Variants in PNKD observed in about 807,000 individuals in gnomAD.
PNKD encodes the protein PNKD metallo-beta-lactamase domain containing, also known as probable thioesterase PNKD.
A neutral mutation model predicts 45.3 loss-of-function variants in PNKD; 36 were observed. The ratio of observed to expected loss-of-function variants is 0.80; its 90% confidence interval spans 0.61 to 1.05. The LOEUF (loss-of-function observed/expected upper bound fraction) is 1.05. Among genes scored for constraint, PNKD ranks in the 50% least tolerant of loss-of-function variants. The probability of loss-of-function intolerance (pLI) is 0.00; values close to 1 mark genes in which losing one functional copy is unlikely to be tolerated. For missense variants in PNKD, 511 were observed against 506.6 expected, an observed-to-expected ratio of 1.01 and a Z score of -0.08; for synonymous variants, 197 against 210.1, an observed-to-expected ratio of 0.94 and a Z score of 0.54.
At chr2:218,295,618 G>A (rs961565624) in intron 2 of PNKD, among the ~76,000 whole-genome samples, 29 of 152,006 alleles carry the variant, frequency 1.9e-4, no homozygotes, top group African/African-American at 6.5e-4. Flanking sequence ...AGGATGGGGG[G>A]TGGAGGGTGC....
Position 218,339,800 on chromosome 2 carries a change from G to A in PNKD, c.254G>A (p.Arg85His), listed in dbSNP as rs150402000. The A allele has an allele frequency of 1.5e-3, 2,374 of 1,612,962 alleles. 4 individuals are homozygous for A. Among genetic ancestry groups the A allele is most frequent in the Admixed American group, 1.8e-3 (109 of 59,968 alleles). Reference protein sequence around the residue: ...VGLAWYSLYTRTWLGYLFYRQ... With the variant: ...VGLAWYSLYTHTWLGYLFYRQ... ...CCCTCTAGGTACAGCCTGTACACCC[G>A]CACCTGGCTCGGGTACCTCTTCTAC... The change falls in exon 3 of 10, where the codon CGC becomes CAC. Residue 85 changes from arginine (R) to histidine (H), a missense_variant. By Grantham distance (29) the Arg-to-His change is conservative (BLOSUM62 0). Transcript: ENST00000273077.
chr2:218,323,115 G>A (rs1476961324), intron 2 of PNKD: 2 of 1,237,630 alleles, frequency 1.6e-6, no homozygotes, highest in South Asian at 2.4e-5. Context: ...GAGGTGGTGA[G>A]GGGGCGGGTC....
chr2:218,324,997 C>CTT lies in PNKD; in HGVS notation c.237-14759_237-14758dup, dbSNP rs1167758595. Among the ~76,000 whole-genome samples the CTT allele has an allele frequency of 2.5e-3, 154 of 62,680 alleles. 25 individuals are homozygous for CTT. The highest frequency in any genetic ancestry group is 7.7e-3 in the African/African-American group (115 of 14,888). 41.1% of individuals were successfully genotyped at this position (62,680 alleles called of 152,430 possible). A position where few individuals can be genotyped will look rare whatever the true frequency, so the allele number is the denominator to read the frequency against. On this transcript the variant is annotated intron_variant, in intron 2 of 9. Coordinates refer to ENST00000273077, the MANE Select transcript of PNKD (RefSeq NM_015488.5). ...AACATGAAGGTATCTAAATAATTTT[C>CTT]TTTTTTTTTTTTTTTTTTTTTTTTT...
In PNKD at chr2:218,344,476, A is replaced by G. The variant is rs1207908418; in HGVS notation, c.890A>G (p.Asn297Ser). 3 of 1,584,774 alleles carry G rather than the reference A, an allele frequency of 1.9e-6. No homozygotes were observed. Among genetic ancestry groups the G allele is most frequent in the Non-Finnish European group, 2.6e-6 (3 of 1,165,102 alleles). The change falls in exon 9 of 10, where the codon AAC becomes AGC. Residue 297 changes from asparagine to serine, a missense_variant. Physicochemically the swap from Asn to Ser is conservative, Grantham distance 46. Transcript: ENST00000273077. ...LWPGHEYAEENLGFAGVVEPE... is the reference protein window; with the variant it reads ...LWPGHEYAEESLGFAGVVEPE... ...GTAGGTCATGAGTATGCAGAGGAGA[A>G]CCTGGGCTTTGCAGGTGTGGTGGAG...
At chr2:218,282,506 T>A (rs755457252) in intron 2 of PNKD, among the ~76,000 whole-genome samples, 2 of 152,182 alleles carry the variant, frequency 1.3e-5, no homozygotes, top group Non-Finnish European at 2.9e-5. Flanking sequence ...AAGAAAACCT[T>A]CCAGTTTTGG....
intron 2 of PNKD, among the ~76,000 whole-genome samples, chr2:218,320,906 C>T (rs1315915445): frequency 6.6e-6 from 1 of 152,186 alleles, no homozygotes. Context: ...AGCCCACTTG[C>T]AGCAGACATT....
intron 2 of PNKD, chr2:218,280,265 G>C (rs1691755790): frequency 3.0e-6 from 2 of 669,302 alleles, no homozygotes; most frequent in Non-Finnish European, 5.3e-6. Flanking sequence ...CTCCCAAGCT[G>C]GGGTCTTCTA....
At chr2:218,276,844 G>A (rs1691266080) in intron 2 of PNKD, among the ~76,000 whole-genome samples, 1 of 152,202 alleles carries the variant, frequency 6.6e-6, no homozygotes, top group African/African-American at 2.4e-5. Flanking sequence ...CCCTCACCCA[G>A]AAGGATGCTG....
At chr2:218,343,218 G>A (rs552364853) in intron 7 of PNKD, among the ~76,000 whole-genome samples, 4 of 152,328 alleles carry the variant, frequency 2.6e-5, no homozygotes, top group African/African-American at 7.2e-5. Context: ...GCAGCCCTGC[G>A]TCTACCAAGC....
chr2:218,318,944 T>A (rs1414712061), intron 2 of PNKD, among the ~76,000 whole-genome samples: 1 of 123,894 alleles, frequency 8.1e-6, no homozygotes, highest in Admixed American at 8.2e-5. Context: ...TTTTCTTTTT[T>A]TTTTTCTTTT....
intron 2 of PNKD, among the ~76,000 whole-genome samples, chr2:218,312,112 G>C (rs1353690343): frequency 6.6e-6 from 1 of 152,188 alleles, no homozygotes; most frequent in Non-Finnish European, 1.5e-5. Context: ...AAAGTTACAG[G>C]TTAACAGCGT....
intron 2 of PNKD, among the ~76,000 whole-genome samples, chr2:218,325,788 C>T (rs1694135985): frequency 6.6e-6 from 1 of 152,140 alleles, no homozygotes; most frequent in Admixed American, 6.6e-5. Context: ...AAACTCTAAT[C>T]ATTGGAGAGC....
At chr2:218,327,942 A>T (rs1242804381) in intron 2 of PNKD, 1 of 141,252 alleles carries the variant, frequency 7.1e-6, no homozygotes, top group Non-Finnish European at 1.5e-5. Context: ...AGCCTGGGTG[A>T]TAAGAGTGAA....
chr2:218,303,254 A>G (rs1450709361), intron 2 of PNKD, among the ~76,000 whole-genome samples: 1 of 152,010 alleles, frequency 6.6e-6, no homozygotes, highest in South Asian at 2.1e-4. Context: ...GCCCTGAACC[A>G]GTCTTTCAGG....
intron 2 of PNKD, among the ~76,000 whole-genome samples, chr2:218,312,928 T>C (rs1212736129): frequency 6.6e-6 from 1 of 151,962 alleles, no homozygotes; most frequent in Non-Finnish European, 1.5e-5. Context: ...TCTCTTCGTA[T>C]GTGTTCTATT....
intron 1 of PNKD, chr2:218,270,870 C>G (rs1574615306): frequency 2.6e-6 from 1 of 391,292 alleles, no homozygotes; most frequent in East Asian, 3.8e-5. Context: ...TTCACACTCA[C>G]CGCAGTGCAG....
chr2:218,331,544 C>T (rs1397180730), intron 2 of PNKD, among the ~76,000 whole-genome samples: 1 of 152,062 alleles, frequency 6.6e-6, no homozygotes, highest in Non-Finnish European at 1.5e-5. Flanking sequence ...AATCTTGGCT[C>T]ACTGCAACCT....
intron 2 of PNKD, among the ~76,000 whole-genome samples, chr2:218,272,118 C>T (rs1193744672): frequency 6.6e-6 from 1 of 152,210 alleles, no homozygotes; most frequent in Non-Finnish European, 1.5e-5. Context: ...TGACTCCATG[C>T]TCTTTCCCCC....
chr2:218,301,298 G>A (rs569749856), intron 2 of PNKD, among the ~76,000 whole-genome samples: 1 of 152,284 alleles, frequency 6.6e-6, no homozygotes, highest in South Asian at 2.1e-4. Context: ...GGGGAATTCT[G>A]GGGGTCAGGG....
Sources: gnomAD v4.1 joint callset for allele counts (sites outside exome capture counted in the v4.1 genomes callset) on GRCh38, gnomAD v4.1.1 for gene constraint, MANE v1.5 for transcripts, NCBI Gene and HGNC (gene_info 2026-07-23, HGNC 2026-07-21) for gene names.